LY6G5B: variants seen among roughly 807,000 people sequenced by gnomAD.
The protein encoded by LY6G5B is lymphocyte antigen 6 family member G5B.
Under a neutral mutation model 6.7 loss-of-function variants are expected in LY6G5B, and 6 were observed. That is an observed-to-expected ratio of 0.89 (90% CI 0.49 to 1.76). LY6G5B has a LOEUF of 1.76. Ranked by LOEUF, LY6G5B falls within the 40% of genes most tolerant of loss-of-function variation. The pLI is 0.01. For synonymous variants in LY6G5B, 98 were observed against 99.4 expected (o/e 0.99, Z 0.09); for missense variants, 240 against 249.5 (o/e 0.96, Z 0.26).
exon 3 of LY6G5B, chr6:31,673,363 GTGT>G (rs1186427494): frequency 2.6e-5 from 4 of 152,962 alleles, no homozygotes; most frequent in African/African-American, 7.2e-5. Context: ...GCCTGTCCTA[GTGT>G]TGTTCTGCCT....
chr6:31,672,009 A>C (rs767950972), exon 3 of LY6G5B: 3 of 1,612,788 alleles, frequency 1.9e-6, no homozygotes, highest in Non-Finnish European at 1.7e-6. Flanking sequence ...CAAGCCCCCA[A>C]CTCCAGAGCT....
exon 1 of LY6G5B, chr6:31,670,725 G>A (rs962940166): frequency 3.6e-6 from 2 of 549,954 alleles, no homozygotes; most frequent in African/African-American, 3.8e-5. Flanking sequence ...CCCACACTCA[G>A]GAACCAGACG....
At chr6:31,672,366 G>A in exon 3 of LY6G5B, 5 of 1,440,862 alleles carry the variant, frequency 3.5e-6, no homozygotes, top group Non-Finnish European at 3.8e-6. Context: ...TTTGGTCACT[G>A]TGATTTCTTA....
At chr6:31,670,270 G>A (rs1583614992) in exon 1 of LY6G5B, 1 of 302,588 alleles carries the variant, frequency 3.3e-6, no homozygotes. Flanking sequence ...AAAAGGAAAA[G>A]ACAAAGCATA....
rs9461715 is a variant in LY6G5B at position 31,673,018 on chromosome 6, C to A, written c.*736C>A. Reference sequence around the variant, plus strand: ...TGGTGGCTCACGCCGGTAATCCCAGCACTTTGGGAGGCCGAGGTGGGCGGA... The same window carrying A: ...TGGTGGCTCACGCCGGTAATCCCAGAACTTTGGGAGGCCGAGGTGGGCGGA... On this transcript the variant is annotated 3_prime_UTR_variant, in exon 3 of 3. Transcript: ENST00000375864. 6.1e-3 allele frequency: 935 copies of A among 152,820 alleles called. 4 individuals carry two copies. The highest frequency in any genetic ancestry group is 0.017 in the East Asian group (90 of 5,148). The allele number at this position is 152,820 out of a possible 1,614,324, so 9.5% of individuals were successfully genotyped here. A position where few individuals can be genotyped will look rare whatever the true frequency, so the allele number is the denominator to read the frequency against.
At chr6:31,670,852 C>G in exon 1 of LY6G5B, 1 of 1,366,378 alleles carries the variant, frequency 7.3e-7, no homozygotes, top group Non-Finnish European at 1.0e-6. Context: ...CAGACCTTGT[C>G]AAAACCACCC....
Position 31,672,265 on chromosome 6 carries a change from A to G in LY6G5B, c.589A>G (p.Thr197Ala), listed in dbSNP as rs1332378637. The G allele has an allele frequency of 2.5e-6, 4 of 1,612,384 alleles. No homozygotes were observed. The South Asian group carries it at 4.4e-5, about 18-fold the overall frequency. ...GGTTCTTCCCCAGGCTGGACTCTTG[A>G]CACCTCACCCTTCCTGAATTCCACA... The change falls in exon 3 of 3, where the codon ACA becomes GCA. Residue 197 changes from threonine (T) to alanine (A), a missense_variant. By Grantham distance (58) the Thr-to-Ala change is moderately conservative (BLOSUM62 0). Coordinates refer to ENST00000375864, the Ensembl canonical transcript of LY6G5B.
At chr6:31,671,448 G>A (rs920901476) in intron 2 of LY6G5B, among the ~76,000 whole-genome samples, 164 bp downstream of exon 2, 3 of 152,264 alleles carry the variant, frequency 2.0e-5, no homozygotes. Context: ...GGCTGAGGCA[G>A]GTGGATCACT....
Position 31,670,651 on chromosome 6 carries a change from CAA to C in LY6G5B, c.-298_-297del. ...ATAGGTCTTTGGAGGGTATGCAAGA[CAA>C]AGGTAGACACTGGATAAAGAACCCG... On this transcript the variant is annotated 5_prime_UTR_variant, in exon 1 of 3. An upstream open reading frame in the 5' UTR loses its in-frame stop. Coordinates refer to ENST00000375864, the Ensembl canonical transcript of LY6G5B. 4.6e-6 allele frequency: 2 copies of C among 434,518 alleles called. No individual in the cohort carries two copies. Among genetic ancestry groups the C allele is most frequent in the Non-Finnish European group, 8.2e-6 (2 of 245,036 alleles). The allele number at this position is 434,518 out of a possible 1,614,324, so 26.9% of individuals were successfully genotyped here.
At chr6:31,671,598 C>T (rs967870515) in intron 2 of LY6G5B, among the ~76,000 whole-genome samples, 6 of 152,000 alleles carry the variant, frequency 3.9e-5, no homozygotes, top group Non-Finnish European at 8.8e-5. Flanking sequence ...ACTCAGGAGG[C>T]ATAGGTTGCA....
At chr6:31,672,240 G>C in exon 3 of LY6G5B, 4 of 1,613,108 alleles carry the variant, frequency 2.5e-6, no homozygotes, top group Non-Finnish European at 3.4e-6. Flanking sequence ...CAGGACTTTT[G>C]GTTCTTCCCC....
At chr6:31,670,783 C>T in exon 1 of LY6G5B, 1 of 679,240 alleles carries the variant, frequency 1.5e-6, no homozygotes, top group African/African-American at 1.8e-5. Context: ...TAACTTCCTT[C>T]CCAGCCAGGA....
exon 1 of LY6G5B, chr6:31,670,892 A>C: frequency 1.3e-6 from 2 of 1,529,884 alleles, no homozygotes; most frequent in Non-Finnish European, 1.8e-6. Context: ...GCATGGTCAC[A>C]GGAAGGTGGG....
chr6:31,672,037 G>C, exon 3 of LY6G5B: 1 of 1,613,034 alleles, frequency 6.2e-7, no homozygotes, highest in Non-Finnish European at 8.5e-7. Context: ...GGAGCCCCAT[G>C]ACAGGCCCCT....
chr6:31,671,799 T>C, intron 2 of LY6G5B, 65 bp from the exon 3 acceptor site: 1 of 1,531,610 alleles, frequency 6.5e-7, no homozygotes, highest in South Asian at 1.3e-5. Context: ...GAAAAGTCAG[T>C]AGCAGGGGTT....
exon 3 of LY6G5B, chr6:31,672,212 A>G (rs759879342): frequency 6.8e-6 from 11 of 1,612,952 alleles, no homozygotes; most frequent in Non-Finnish European, 8.5e-6. Flanking sequence ...CGCCGCATGT[A>G]CTTGTTCCTC....
chr6:31,671,666 C>CA (rs553699797), intron 2 of LY6G5B, among the ~76,000 whole-genome samples, 198 bp from the exon 3 acceptor site: 158 of 151,798 alleles, frequency 1.0e-3, no homozygotes, highest in African/African-American at 3.6e-3. Flanking sequence ...GACCCTGTCT[C>CA]AAAAAAAACC....
At chr6:31,670,071 G>A, upstream of LY6G5B, 1 of 713,752 alleles carries the variant, frequency 1.4e-6, no homozygotes, top group Non-Finnish European at 2.2e-6. Flanking sequence ...AAGGCCATGA[G>A]CTAGTCTGCT....
chr6:31,671,009 G>A lies in LY6G5B; in HGVS notation c.58+1G>A. On this transcript the variant is annotated splice_donor_variant, in intron 1 of 2. Transcript: ENST00000375864. LOFTEE classifies it high-confidence loss of function. Reference sequence around the variant, plus strand: ...ATGGTGGGCTTCACAGTAGGAAAGGGTAAGTGGGGCCCAGGGGCAGGGAGG... The same window carrying A: ...ATGGTGGGCTTCACAGTAGGAAAGGATAAGTGGGGCCCAGGGGCAGGGAGG... 2.5e-6 allele frequency: 4 copies of A among 1,612,726 alleles called. No individual in the cohort carries two copies. Among genetic ancestry groups the A allele is most frequent in the Non-Finnish European group, 3.4e-6 (4 of 1,179,224 alleles).
Sources: allele counts gnomAD v4.1 joint callset (sites outside exome capture counted in the v4.1 genomes callset), GRCh38; gene constraint gnomAD v4.1.1; transcripts MANE v1.5; gene names NCBI Gene and HGNC (gene_info 2026-07-23, HGNC 2026-07-21).